The following OSBPL9 variants were observed in gnomAD, a reference collection of about 807,000 sequenced individuals.
The protein encoded by OSBPL9 is oxysterol binding protein like 9.
OSBPL9 carries 40 observed loss-of-function variants against 106.6 expected under a neutral mutation model. That is an observed-to-expected ratio of 0.38 (90% confidence interval 0.29 to 0.49). The LOEUF (loss-of-function observed/expected upper bound fraction) is 0.49, where lower values mean the gene tolerates loss of function less well. Ranked by LOEUF, OSBPL9 falls within the 20% of genes least tolerant of loss-of-function variation. The pLI is 0.97. For missense variants in OSBPL9, 609 were observed against 887.2 expected, an observed-to-expected ratio of 0.69 and a Z score of 3.98; for synonymous variants, 269 against 295.4, an observed-to-expected ratio of 0.91 and a Z score of 0.92.
At chr1:51,632,558 T>C (rs894810464) in intron 1 of OSBPL9, among the ~76,000 whole-genome samples, 5 of 152,208 alleles carry the variant, frequency 3.3e-5, no homozygotes, top group Non-Finnish European at 7.3e-5. Flanking sequence ...ATTATCACAA[T>C]TAAATAAACT....
chr1:51,532,093 T>G, the OSBPL9 span, among the ~76,000 whole-genome samples: 1 of 152,142 alleles, frequency 6.6e-6, no homozygotes, highest in Non-Finnish European at 1.5e-5. Flanking sequence ...TTGGTGACCT[T>G]GGTAATCGTT....
At chr1:51,563,531 A>AT in the OSBPL9 span, 2 of 152,244 alleles carry the variant, frequency 1.3e-5, no homozygotes, top group Non-Finnish European at 2.9e-5. Flanking sequence ...AGGGAAGATG[A>AT]CCACAGGATC....
chr1:51,656,659 C>T (rs1646835317), intron 2 of OSBPL9, among the ~76,000 whole-genome samples: 1 of 147,098 alleles, frequency 6.8e-6, no homozygotes, highest in Admixed American at 6.8e-5. Context: ...TCCTCCCCCT[C>T]CTCGCTCTCC....
At chr1:51,707,105 G>A in intron 3 of OSBPL9, 1 of 309,146 alleles carries the variant, frequency 3.2e-6, no homozygotes, top group East Asian at 1.1e-4. Flanking sequence ...TTTAGTTAGT[G>A]CTCTTGCTGG....
intron 2 of OSBPL9, among the ~76,000 whole-genome samples, chr1:51,664,130 T>C (rs1263037238): frequency 2.6e-5 from 4 of 152,218 alleles, no homozygotes; most frequent in African/African-American, 9.6e-5. Flanking sequence ...CCTAGATTTG[T>C]ATTTAATATA....
upstream of OSBPL9, among the ~76,000 whole-genome samples, chr1:51,574,488 G>A (rs983842547): frequency 2.0e-5 from 3 of 152,116 alleles, no homozygotes; most frequent in Non-Finnish European, 2.9e-5. Flanking sequence ...GCGCGGTGGC[G>A]GATGCCTGTA....
intron 3 of OSBPL9, among the ~76,000 whole-genome samples, chr1:51,670,617 A>G (rs1265720042): frequency 2.0e-5 from 3 of 152,200 alleles, no homozygotes; most frequent in Non-Finnish European, 2.9e-5. Context: ...AGTGTACTCA[A>G]TAGTGATATC....
chr1:51,782,838 A>C (rs1305962075), intron 17 of OSBPL9, among the ~76,000 whole-genome samples, 195 bp downstream of exon 17: 2 of 152,218 alleles, frequency 1.3e-5, no homozygotes, highest in East Asian at 3.8e-4. Context: ...TTAGCTTCAC[A>C]AATTAAGTGC....
At chr1:51,715,923 A>G (rs768630237) in intron 4 of OSBPL9, among the ~76,000 whole-genome samples, 1 of 152,280 alleles carries the variant, frequency 6.6e-6, no homozygotes, top group East Asian at 1.9e-4. Flanking sequence ...CAAGTTCAAA[A>G]TGATCTCTTT....
chr1:51,590,854 A>G (rs906062292), intron 1 of OSBPL9, among the ~76,000 whole-genome samples: 8 of 151,854 alleles, frequency 5.3e-5, no homozygotes, highest in Admixed American at 1.3e-4. Context: ...GGTTCACACA[A>G]TCCTCTTGTC....
At position 51,728,102 on chromosome 1, in the gene OSBPL9, G is replaced by A. The variant is rs1266495487; in HGVS notation, c.318+14023G>A. Among the ~76,000 whole-genome samples the A allele has an allele frequency of 3.3e-5, 5 of 152,212 alleles. No individual in the cohort carries two copies. In the East Asian group the frequency reaches 9.6e-4, roughly 29 times the overall value. ...AGGAGTTTGAAAAAGGCCATTGTGT[G>A]CAAAGCAGAAAATAGGTACTACAAG... On this transcript the variant is annotated intron_variant, in intron 4 of 23. Transcript: ENST00000428468.
intron 7 of OSBPL9, among the ~76,000 whole-genome samples, chr1:51,748,669 G>A (rs976119854): frequency 1.3e-5 from 2 of 152,134 alleles, no homozygotes; most frequent in South Asian, 2.1e-4. Context: ...CACGCACAGT[G>A]GATATGTTAT....
At chr1:51,609,309 A>G (rs577390887) in intron 2 of OSBPL9, among the ~76,000 whole-genome samples, 6 of 147,438 alleles carry the variant, frequency 4.1e-5, no homozygotes, top group Admixed American at 6.8e-5. Flanking sequence ...CCTGATCTCA[A>G]TGCTTCCTAT....
chr1:51,747,134 T>A (rs1199697709), intron 6 of OSBPL9, among the ~76,000 whole-genome samples: 1 of 152,118 alleles, frequency 6.6e-6, no homozygotes, highest in Non-Finnish European at 1.5e-5. Context: ...ACCTGGCCAA[T>A]TTTTGTATTT....
At chr1:51,555,883 A>T in the OSBPL9 span, among the ~76,000 whole-genome samples, 1 of 152,224 alleles carries the variant, frequency 6.6e-6, no homozygotes. Context: ...ATTCTATACG[A>T]TGCAGATCAT....
intron 1 of OSBPL9, among the ~76,000 whole-genome samples, chr1:51,625,427 T>A (rs72896021): frequency 0.13 from 20,533 of 152,192 alleles, 1,532 homozygotes; most frequent in Middle Eastern, 0.23. Context: ...AAGGATTGAA[T>A]TTCTTTTACT....
At chr1:51,782,287 G>A (rs1220606933) in intron 16 of OSBPL9, among the ~76,000 whole-genome samples, 1 of 152,212 alleles carries the variant, frequency 6.6e-6, no homozygotes, top group East Asian at 1.9e-4. Flanking sequence ...AGACAAGTAT[G>A]TGTCTGTTCT....
Position 51,601,265 on chromosome 1 carries a change from G to T in OSBPL9, c.-353+3072G>T, listed in dbSNP as rs183756140. ...TAAGGCCCATGTTTGGGAAATTACT[G>T]TGTAGTCCTGGGAATTAGATAGGAG... On this transcript the variant is annotated intron_variant, in intron 2 of 25. Coordinates refer to the OSBPL9 transcript ENST00000371714. 5.9e-5 allele frequency among the ~76,000 whole-genome samples: 9 copies of T among 152,322 alleles called. No individual in the cohort carries two copies. The South Asian group carries it at 1.7e-3, about 28-fold the overall frequency.
At chr1:51,626,528 T>C (rs60578569) in intron 1 of OSBPL9, among the ~76,000 whole-genome samples, 7,483 of 151,960 alleles carry the variant, frequency 0.049, 410 homozygotes, top group African/African-American at 0.13. Context: ...TTTTTCCCCC[T>C]TACAACCAGA....
Sources: allele counts gnomAD v4.1 joint callset (sites outside exome capture counted in the v4.1 genomes callset), GRCh38; gene constraint gnomAD v4.1.1; transcripts MANE v1.5; gene names NCBI Gene and HGNC (gene_info 2026-07-23, HGNC 2026-07-21).